Variants in CCSER1 observed in about 807,000 individuals in gnomAD.
The protein encoded by CCSER1 is serine-rich coiled-coil domain-containing protein 1.
Under a neutral mutation model 82.0 loss-of-function variants are expected in CCSER1, and 41 were observed. The ratio of observed to expected loss-of-function variants is 0.50; its 90% CI spans 0.39 to 0.65. CCSER1 has a LOEUF of 0.65. CCSER1 is among the 30% of genes least tolerant of loss of function. CCSER1 has a pLI of 0.00. For missense variants in CCSER1, 1,119 were observed against 1,064.2 expected (o/e 1.05, Z -0.72); for synonymous variants, 414 against 383.9 (o/e 1.08, Z -0.92).
chr4:91,244,053 C>T lies in CCSER1; in HGVS notation c.2217+158059C>T, dbSNP rs1477216035. On this transcript the variant is annotated intron_variant, in intron 10 of 10. Coordinates refer to ENST00000509176, the MANE Select transcript of CCSER1 (RefSeq NM_001145065.2). The stretch of plus-strand genomic sequence containing the variant: ...GTCCACTGCCCTGAAGGGTGAGTCC[C>T]AGACATGGCTGCATTCACCGCAAAC... 5.9e-5 allele frequency among the ~76,000 whole-genome samples: 9 copies of T among 152,308 alleles called. No individual in the cohort carries two copies. The South Asian group carries it at 1.5e-3, about 25-fold the overall frequency.
At chr4:91,378,213 G>C (rs1457520405) in intron 10 of CCSER1, among the ~76,000 whole-genome samples, 1 of 152,176 alleles carries the variant, frequency 6.6e-6, no homozygotes, top group Non-Finnish European at 1.5e-5. Flanking sequence ...TTTTGGCTTA[G>C]GATTGTCTTG....
intron 10 of CCSER1, among the ~76,000 whole-genome samples, chr4:91,101,319 G>A (rs932261839): frequency 2.0e-5 from 3 of 152,178 alleles, no homozygotes; most frequent in African/African-American, 4.8e-5. Context: ...TATGCCAGTT[G>A]GAGACATACA....
At chr4:91,492,069 C>T (rs1758576126) in intron 10 of CCSER1, among the ~76,000 whole-genome samples, 1 of 150,682 alleles carries the variant, frequency 6.6e-6, no homozygotes, top group Admixed American at 6.7e-5. Context: ...TTTTACCATA[C>T]TCCTGATGTG....
At chr4:90,223,304 T>G (rs1260616558) in intron 1 of CCSER1, among the ~76,000 whole-genome samples, 1 of 152,222 alleles carries the variant, frequency 6.6e-6, no homozygotes, top group Admixed American at 6.5e-5. Flanking sequence ...AAGTATGTGA[T>G]AAAAGATAAT....
intron 10 of CCSER1, among the ~76,000 whole-genome samples, chr4:91,495,384 G>A (rs1158169160): frequency 6.6e-6 from 1 of 151,396 alleles, no homozygotes; most frequent in Non-Finnish European, 1.5e-5. Flanking sequence ...CTTCTTTGAT[G>A]CTTCTGGTTC....
intron 10 of CCSER1, among the ~76,000 whole-genome samples, chr4:91,214,537 A>G (rs1737090664): frequency 6.6e-6 from 1 of 152,184 alleles, no homozygotes; most frequent in Admixed American, 6.5e-5. Flanking sequence ...TTCATAGTTC[A>G]TATTTCCTTC....
chr4:90,781,510 G>T, intron 7 of CCSER1: 1 of 984,900 alleles, frequency 1.0e-6, no homozygotes, highest in Non-Finnish European at 1.2e-6. Flanking sequence ...TCTCTTATTT[G>T]ATTAGATGTT....
chr4:90,198,341 G>C (rs78350062), intron 1 of CCSER1, among the ~76,000 whole-genome samples: 1,533 of 152,154 alleles, frequency 0.01, 17 homozygotes, highest in Middle Eastern at 0.027. Context: ...GCATGAAAAA[G>C]ATACCACTGC....
intron 4 of CCSER1, among the ~76,000 whole-genome samples, chr4:90,462,595 G>A (rs1334786460): frequency 1.3e-5 from 2 of 151,320 alleles, no homozygotes; most frequent in Non-Finnish European, 2.9e-5. Context: ...AATCAGCCAG[G>A]TATGGTGGTG....
chr4:91,028,137 A>G (rs1239840064), intron 9 of CCSER1, among the ~76,000 whole-genome samples: 4 of 151,992 alleles, frequency 2.6e-5, no homozygotes, highest in Non-Finnish European at 1.5e-5. Context: ...GTATATCCAA[A>G]ATTTATATGT....
At chr4:91,243,518 T>C (rs1199342936) in intron 10 of CCSER1, among the ~76,000 whole-genome samples, 1 of 152,140 alleles carries the variant, frequency 6.6e-6, no homozygotes, top group Non-Finnish European at 1.5e-5. Context: ...TTCCTTCTGA[T>C]TAAGGAGAGG....
intron 4 of CCSER1, among the ~76,000 whole-genome samples, chr4:90,455,427 C>A (rs1362970713): frequency 1.3e-5 from 2 of 152,098 alleles, no homozygotes; most frequent in Admixed American, 1.3e-4. Flanking sequence ...GGTGATTTTT[C>A]TTCTCTCCAG....
chr4:91,071,611 T>C (rs1721443407), intron 9 of CCSER1, among the ~76,000 whole-genome samples: 1 of 152,172 alleles, frequency 6.6e-6, no homozygotes, highest in African/African-American at 2.4e-5. Context: ...ATAATCATAA[T>C]CTAGCTATTA....
Position 90,849,286 on chromosome 4 carries a change from T to A in CCSER1, c.2094+33441T>A, listed in dbSNP as rs184672566. Among the ~76,000 whole-genome samples, 27 of 152,232 alleles carry A rather than the reference T, an allele frequency of 1.8e-4. No homozygotes were observed. The East Asian group carries it at 4.8e-3, about 27-fold the overall frequency. On this transcript the variant is annotated intron_variant, in intron 8 of 10. Transcript: ENST00000509176. The stretch of plus-strand genomic sequence containing the variant: ...GGGCCGAGGTGGTCTCAGATGGAGA[T>A]GAGGAACTTGTTGGGAAGTGAAGTA...
chr4:90,927,507 C>A (rs1007093316), intron 9 of CCSER1, among the ~76,000 whole-genome samples: 1 of 151,958 alleles, frequency 6.6e-6, no homozygotes, highest in African/African-American at 2.4e-5. Context: ...CGTATTTTGT[C>A]TCATTCATGT....
At chr4:90,454,081 G>A (rs1223062382) in intron 4 of CCSER1, among the ~76,000 whole-genome samples, 1 of 152,154 alleles carries the variant, frequency 6.6e-6, no homozygotes, top group African/African-American at 2.4e-5. Flanking sequence ...CAGGGTCAAG[G>A]TGGCTTTCTC....
chr4:91,042,844 C>T (rs548302923), intron 9 of CCSER1, among the ~76,000 whole-genome samples: 34 of 152,238 alleles, frequency 2.2e-4, no homozygotes, highest in East Asian at 5.8e-4. Flanking sequence ...AAATCTATGG[C>T]GGCTAGCAAA....
At position 90,743,069 on chromosome 4, in the gene CCSER1, A is replaced by C. The variant is rs976837705; in HGVS notation, c.2010+19078A>C. The stretch of plus-strand genomic sequence containing the variant: ...ATTGGCATGTTGATGGCACAAATTA[A>C]AATTTGGATAATAATTAGGAGTAAA... On this transcript the variant is annotated intron_variant, in intron 7 of 10. Transcript: ENST00000509176. Among the ~76,000 whole-genome samples, 12 of 152,324 alleles carry C rather than the reference A, an allele frequency of 7.9e-5. 1 individual carries two copies. The East Asian group carries it at 2.3e-3, about 29-fold the overall frequency.
intron 10 of CCSER1, among the ~76,000 whole-genome samples, chr4:91,097,620 G>A (rs1000207142): frequency 1.2e-4 from 18 of 152,100 alleles, no homozygotes; most frequent in Non-Finnish European, 2.2e-4. Flanking sequence ...ATTTCTAGAA[G>A]TATTTAGAAA....
Sources: gnomAD v4.1 joint callset for allele counts (sites outside exome capture counted in the v4.1 genomes callset) on GRCh38, gnomAD v4.1.1 for gene constraint, MANE v1.5 for transcripts, NCBI Gene and HGNC (gene_info 2026-07-23, HGNC 2026-07-21) for gene names.